Variants in AGTPBP1 observed in about 807,000 individuals in gnomAD.
The protein encoded by AGTPBP1 is cytosolic carboxypeptidase 1.
A neutral mutation model predicts 143.9 loss-of-function variants in AGTPBP1; 70 were observed. The ratio of observed to expected loss-of-function variants is 0.49; its 90% CI spans 0.40 to 0.59. The LOEUF (loss-of-function observed/expected upper bound fraction) is 0.59, where lower values mean the gene tolerates loss of function less well. Ranked by LOEUF, AGTPBP1 falls within the 20% of genes least tolerant of loss-of-function variation. The pLI, the probability that AGTPBP1 is intolerant of heterozygous loss-of-function variation, is 0.00. For synonymous variants in AGTPBP1, 463 were observed against 500.2 expected (o/e 0.93, Z 0.99); for missense variants, 1,229 against 1,464.5 (o/e 0.84, Z 2.62).
chr9:85,582,488 C>A (rs904420370), intron 23 of AGTPBP1, among the ~76,000 whole-genome samples: 3 of 152,052 alleles, frequency 2.0e-5, no homozygotes, highest in Admixed American at 6.6e-5. Context: ...ACCAGCCTGG[C>A]CAACATGGTG....
intron 25 of AGTPBP1, among the ~76,000 whole-genome samples, chr9:85,557,519 T>C (rs1469733587): frequency 6.6e-6 from 1 of 152,234 alleles, no homozygotes; most frequent in African/African-American, 2.4e-5. Context: ...GAATTTTCTA[T>C]GTAGTAGCAA....
intron 25 of AGTPBP1, among the ~76,000 whole-genome samples, chr9:85,550,062 C>T (rs1201389234): frequency 1.3e-5 from 2 of 152,108 alleles, no homozygotes; most frequent in African/African-American, 4.8e-5. Flanking sequence ...CAGCACACAT[C>T]GAGCTATTGT....
intron 7 of AGTPBP1, among the ~76,000 whole-genome samples, chr9:85,669,886 G>A (rs974963884): frequency 4.6e-5 from 7 of 151,558 alleles, no homozygotes; most frequent in Non-Finnish European, 1.0e-4. Context: ...TGAACACCAG[G>A]TTATGGGGAT....
upstream of AGTPBP1, chr9:85,742,077 G>C (rs1420160904): frequency 5.8e-5 from 64 of 1,098,650 alleles, no homozygotes; most frequent in Non-Finnish European, 7.2e-5. Flanking sequence ...GGGGCGGAGC[G>C]CACGCCCTCT....
chr9:85,704,638 CAGAATAAGGCTCA>C (rs1485904511), intron 2 of AGTPBP1, among the ~76,000 whole-genome samples: 4 of 152,052 alleles, frequency 2.6e-5, no homozygotes, highest in Admixed American at 2.6e-4. Context: ...AACTGCATCC[CAGAATAAGGCTCA>C]AGAATATTTA....
At position 85,660,363 on chromosome 9, in the gene AGTPBP1, T is replaced by C. The variant is rs543110895; in HGVS notation, c.700+573A>G. On this transcript the variant is annotated intron_variant, in intron 9 of 25. Coordinates refer to ENST00000357081, the MANE Select transcript of AGTPBP1 (RefSeq NM_001330701.2). ...CTCAGTATCTTGGAGAGAAAAAATA[T>C]ATGTAAGTACAGATGATTACTCTCC... Among the ~76,000 whole-genome samples the C allele has an allele frequency of 4.6e-5, 7 of 152,228 alleles. No individual in the cohort carries two copies. The South Asian group carries it at 1.2e-3, about 27-fold the overall frequency.
chr9:85,615,788 G>A lies in AGTPBP1; in HGVS notation c.2335+3195C>T, dbSNP rs377232911. 1.3e-4 allele frequency among the ~76,000 whole-genome samples: 19 copies of A among 151,634 alleles called. 1 individual carries two copies. Among genetic ancestry groups the A allele is most frequent in the African/African-American group, 3.1e-4 (13 of 41,412 alleles). ...GTTTTATCATCAGAAAAACATGCACGTGTACCTGGCATACAGATACTTCTA... is the reference window on the plus strand; with the variant it reads ...GTTTTATCATCAGAAAAACATGCACATGTACCTGGCATACAGATACTTCTA... On this transcript the variant is annotated intron_variant, in intron 17 of 25. Coordinates refer to ENST00000357081, the MANE Select transcript of AGTPBP1 (RefSeq NM_001330701.2).
At position 85,691,536 on chromosome 9, in the gene AGTPBP1, G is replaced by GGGGT. The variant is rs147512485; in HGVS notation, c.157+1152_157+1153insACCC. Among the ~76,000 whole-genome samples, 884 of 144,538 alleles carry GGGGT rather than the reference G, an allele frequency of 6.1e-3. 4 individuals carry two copies. The highest frequency in any genetic ancestry group is 0.026 in the East Asian group (129 of 5,040). The allele number at this position is 144,538 out of a possible 152,430, so 94.8% of individuals were successfully genotyped here. On this transcript the variant is annotated intron_variant, in intron 3 of 25. Transcript: ENST00000357081. ...TTTCTCTTATCCAAAAAAAAAAGAG[G>GGGGT]GTGTGTGTGTGTGTGTGTGTGTGTG...
At chr9:85,702,160 C>T (rs1836705892) in intron 2 of AGTPBP1, among the ~76,000 whole-genome samples, 1 of 152,220 alleles carries the variant, frequency 6.6e-6, no homozygotes, top group Non-Finnish European at 1.5e-5. Flanking sequence ...CCTCCATGCA[C>T]TCAACCAAAA....
At chr9:85,677,621 A>T (rs71506695) in intron 5 of AGTPBP1, 39 bp from the exon 6 acceptor site, 57 of 1,402,750 alleles carry the variant, frequency 4.1e-5, no homozygotes, top group East Asian at 5.3e-5. Flanking sequence ...ACAACAAATT[A>T]AAAAAAAATT....
chr9:85,777,982 C>T, the AGTPBP1 span, among the ~76,000 whole-genome samples: 6 of 152,148 alleles, frequency 3.9e-5, no homozygotes, highest in African/African-American at 1.2e-4. Flanking sequence ...CGTGGAGAAC[C>T]GTCTGTGAAC....
intron 25 of AGTPBP1, among the ~76,000 whole-genome samples, chr9:85,565,657 G>A (rs762740442): frequency 1.3e-5 from 2 of 152,154 alleles, no homozygotes; most frequent in East Asian, 3.9e-4. Context: ...ACTTGGAAAT[G>A]TGTCTTCCCC....
the AGTPBP1 span, among the ~76,000 whole-genome samples, chr9:85,757,897 G>C: frequency 1.5e-4 from 23 of 152,282 alleles, no homozygotes; most frequent in Admixed American, 1.3e-3. Flanking sequence ...GTTGTGATAA[G>C]TCAAAAAAAC....
intron 13 of AGTPBP1, among the ~76,000 whole-genome samples, chr9:85,635,875 T>G (rs1335112522): frequency 6.6e-6 from 1 of 151,932 alleles, no homozygotes; most frequent in African/African-American, 2.4e-5. Flanking sequence ...GTCTTAAATT[T>G]TAAACCTTAG....
chr9:85,589,442 A>G, intron 20 of AGTPBP1, 86 bp downstream of exon 20: 4 of 1,480,700 alleles, frequency 2.7e-6, no homozygotes, highest in African/African-American at 1.4e-5. Flanking sequence ...GTCTGTTCCT[A>G]TTATCATTTC....
the AGTPBP1 span, among the ~76,000 whole-genome samples, chr9:85,767,124 A>G: frequency 6.7e-6 from 1 of 148,702 alleles, no homozygotes; most frequent in African/African-American, 2.5e-5. Context: ...TATAAGAACT[A>G]TTATGTTTCT....
chr9:85,733,015 G>C (rs181306454), intron 1 of AGTPBP1, among the ~76,000 whole-genome samples: 1 of 152,024 alleles, frequency 6.6e-6, no homozygotes, highest in Admixed American at 6.6e-5. Context: ...CATAATTATG[G>C]GGAGAAATAC....
chr9:85,609,825 T>C (rs367839605), intron 17 of AGTPBP1, among the ~76,000 whole-genome samples: 4 of 150,376 alleles, frequency 2.7e-5, no homozygotes, highest in Admixed American at 2.0e-4. Flanking sequence ...TTATAACTCA[T>C]TGAGTCAAAT....
At chr9:85,636,718 C>T (rs991380082) in intron 13 of AGTPBP1, among the ~76,000 whole-genome samples, 11 of 152,118 alleles carry the variant, frequency 7.2e-5, no homozygotes, top group Admixed American at 5.2e-4. Context: ...AAAAGGTCTA[C>T]GTTCAATTAG....
Sources: gnomAD v4.1 joint callset for allele counts (sites outside exome capture counted in the v4.1 genomes callset) on GRCh38, gnomAD v4.1.1 for gene constraint, MANE v1.5 for transcripts, NCBI Gene and HGNC (gene_info 2026-07-23, HGNC 2026-07-21) for gene names.